CEP128: variants seen among roughly 807,000 people sequenced by gnomAD.
CEP128 encodes centrosomal protein 128kDa.
Under a neutral mutation model 156.7 loss-of-function variants are expected in CEP128, and 132 were observed. That is an observed-to-expected ratio of 0.84 (90% confidence interval 0.73 to 0.97). The LOEUF is 0.97. Among genes scored for constraint, CEP128 ranks in the 50% least tolerant of loss-of-function variants. CEP128 has a pLI of 0.00. For missense variants in CEP128, 1,252 were observed against 1,281.9 expected (o/e 0.98, Z 0.36); for synonymous variants, 469 against 448.9 (o/e 1.04, Z -0.57).
chr14:80,812,570 T>C (rs1884619836), intron 13 of CEP128, among the ~76,000 whole-genome samples: 1 of 151,550 alleles, frequency 6.6e-6, no homozygotes. Context: ...TGGTTGTTGT[T>C]GTTGTTGTTT....
At chr14:80,488,625 C>A (rs1887224825), downstream of CEP128, among the ~76,000 whole-genome samples, 1 of 151,968 alleles carries the variant, frequency 6.6e-6, no homozygotes, top group African/African-American at 2.4e-5. Context: ...CCAGCCATCC[C>A]ATTACTGGGT....
intron 2 of CEP128, among the ~76,000 whole-genome samples, chr14:80,925,718 A>G: frequency 6.6e-6 from 1 of 152,138 alleles, no homozygotes; most frequent in East Asian, 1.9e-4. Flanking sequence ...CAACACAGGA[A>G]CTTAAAAAAC....
At chr14:80,579,493 T>C (rs576551226) in intron 20 of CEP128, among the ~76,000 whole-genome samples, 21 of 152,318 alleles carry the variant, frequency 1.4e-4, no homozygotes, top group Admixed American at 1.2e-3. Flanking sequence ...TACCATCAGG[T>C]AGAAGAATCC....
At chr14:80,833,517 G>C (rs1885919397) in intron 12 of CEP128, among the ~76,000 whole-genome samples, 3 of 151,918 alleles carry the variant, frequency 2.0e-5, no homozygotes, top group Admixed American at 2.0e-4. Flanking sequence ...CTCCATTTTG[G>C]AGAATGCTTG....
intron 19 of CEP128, among the ~76,000 whole-genome samples, chr14:80,599,251 T>C (rs905848996): frequency 6.6e-6 from 1 of 150,504 alleles, no homozygotes; most frequent in Non-Finnish European, 1.5e-5. Context: ...TCTACCCTAG[T>C]ACACAGTCAT....
intron 24 of CEP128, among the ~76,000 whole-genome samples, chr14:80,504,592 T>C (rs1887883761): frequency 6.6e-6 from 1 of 152,244 alleles, no homozygotes; most frequent in Non-Finnish European, 1.5e-5. Context: ...ATTTGAACTT[T>C]ATTATAAAAT....
At chr14:80,633,072 A>T (rs943304358) in intron 19 of CEP128, among the ~76,000 whole-genome samples, 2 of 152,002 alleles carry the variant, frequency 1.3e-5, no homozygotes, top group Non-Finnish European at 2.9e-5. Context: ...ACAAAAAAAT[A>T]AAAAATTAGC....
intron 19 of CEP128, among the ~76,000 whole-genome samples, chr14:80,672,803 G>A (rs1895897199): frequency 6.6e-6 from 1 of 151,788 alleles, no homozygotes; most frequent in South Asian, 2.1e-4. Context: ...ATAGCATCTG[G>A]GGATAATAAT....
At chr14:80,625,820 T>C (rs1279754172) in intron 19 of CEP128, among the ~76,000 whole-genome samples, 1 of 151,902 alleles carries the variant, frequency 6.6e-6, no homozygotes, top group East Asian at 1.9e-4. Context: ...TCCTTATTTC[T>C]TTTTTCTCCC....
At chr14:80,809,389 T>C (rs1248173387) in intron 13 of CEP128, among the ~76,000 whole-genome samples, 1 of 152,020 alleles carries the variant, frequency 6.6e-6, no homozygotes, top group African/African-American at 2.4e-5. Context: ...ACCAAATATA[T>C]GAATTATCAG....
chr14:80,797,312 C>T (rs1237663599), intron 13 of CEP128, among the ~76,000 whole-genome samples: 3 of 152,140 alleles, frequency 2.0e-5, no homozygotes, highest in East Asian at 3.9e-4. Context: ...CAATAATTCA[C>T]TTTGAATAAT....
chr14:80,515,001 C>T (rs556865068), intron 23 of CEP128, among the ~76,000 whole-genome samples: 6 of 152,166 alleles, frequency 3.9e-5, no homozygotes, highest in African/African-American at 1.2e-4. Context: ...TATTGCGTGG[C>T]GGTCTTGAAT....
At chr14:80,855,039 T>C (rs1486318172) in intron 9 of CEP128, among the ~76,000 whole-genome samples, 1 of 152,176 alleles carries the variant, frequency 6.6e-6, no homozygotes, top group African/African-American at 2.4e-5. Context: ...GAATAAAAAG[T>C]GTGGCTCAAA....
intron 21 of CEP128, among the ~76,000 whole-genome samples, chr14:80,538,785 G>A (rs1161818750): frequency 6.6e-6 from 1 of 151,994 alleles, no homozygotes; most frequent in Non-Finnish European, 1.5e-5. Context: ...ACTTTCTTTC[G>A]TATGTCAGCT....
intron 18 of CEP128, among the ~76,000 whole-genome samples, chr14:80,746,109 T>A (rs1214183925): frequency 6.6e-6 from 1 of 152,130 alleles, no homozygotes; most frequent in Non-Finnish European, 1.5e-5. Context: ...TGGGAAGATA[T>A]CCTACGTAAA....
At chr14:80,844,997 T>C (rs752378775) in intron 9 of CEP128, among the ~76,000 whole-genome samples, 1 of 152,148 alleles carries the variant, frequency 6.6e-6, no homozygotes, top group Non-Finnish European at 1.5e-5. Context: ...TTTGCTCTGT[T>C]TCGTGGACAC....
intron 19 of CEP128, among the ~76,000 whole-genome samples, chr14:80,705,844 C>A (rs371872729): frequency 6.6e-6 from 1 of 152,062 alleles, no homozygotes; most frequent in South Asian, 2.1e-4. Context: ...AATTCTCAGA[C>A]GAATCAATTT....
intron 9 of CEP128, among the ~76,000 whole-genome samples, chr14:80,856,720 C>CTTTTTTTT (rs766724436): frequency 5.4e-4 from 35 of 65,186 alleles, no homozygotes; most frequent in Non-Finnish European, 7.6e-4. Context: ...TTTTTCTTTT[C>CTTTTTTTT]TTTTTTTTTT....
chr14:80,829,415 T>C (rs1343705921), intron 13 of CEP128, among the ~76,000 whole-genome samples: 1 of 152,202 alleles, frequency 6.6e-6, no homozygotes, highest in African/African-American at 2.4e-5. Flanking sequence ...TTATTTTTAT[T>C]TACTTATTTT....
Sources: allele counts gnomAD v4.1 joint callset (sites outside exome capture counted in the v4.1 genomes callset), GRCh38; gene constraint gnomAD v4.1.1; transcripts MANE v1.5; gene names NCBI Gene and HGNC (gene_info 2026-07-23, HGNC 2026-07-21).